Variants in KLHL40 observed in about 807,000 individuals in gnomAD.
KLHL40 encodes the protein kelch-like protein 40.
Under a neutral mutation model 49.7 loss-of-function variants are expected in KLHL40, and 44 were observed. The ratio of observed to expected loss-of-function variants is 0.89; its 90% CI spans 0.70 to 1.14. The LOEUF (loss-of-function observed/expected upper bound fraction) is 1.14, where lower values mean the gene tolerates loss of function less well. Among genes scored for constraint, KLHL40 ranks in the 50% most tolerant of loss-of-function variants. The pLI is 0.00. For missense variants in KLHL40, 892 were observed against 850.3 expected (o/e 1.05, Z -0.61); for synonymous variants, 409 against 365.2 (o/e 1.12, Z -1.37).
chr3:42,688,051 T>C lies in KLHL40; in HGVS notation c.1153-91T>C. 1 of 1,530,516 alleles carries C rather than the reference T, an allele frequency of 6.5e-7. No individual in the cohort carries two copies. Among genetic ancestry groups the C allele is most frequent in the South Asian group, 1.2e-5 (1 of 86,434 alleles). The allele number at this position is 1,530,516 out of a possible 1,614,324, so 94.8% of individuals were successfully genotyped here. ...ATTGGCCCTACCTGGGTTCCCGACC[T>C]CCTCCGTGATCTGGGGCAGTGGGAC... On this transcript the variant is annotated intron_variant, in intron 1 of 5. Transcript: ENST00000287777. The surrounding 1 kb of genome is among the most constrained non-coding windows in gnomAD (Gnocchi z 4.2).
At chr3:42,691,115 A>G (rs1413509338) in intron 5 of KLHL40, 110 bp downstream of exon 5, 2 of 1,138,876 alleles carry the variant, frequency 1.8e-6, no homozygotes, top group Non-Finnish European at 2.4e-6. Context: ...GGCAAAGCGG[A>G]TCCCTCTTCT....
chr3:42,686,233 C>T lies in KLHL40; in HGVS notation c.615C>T (p.Gly205=). The T allele has an allele frequency of 1.9e-6, 3 of 1,553,802 alleles. No homozygotes were observed. The highest frequency in any genetic ancestry group is 1.8e-4 in the Middle Eastern group (1 of 5,498). ...FEAVMRWAGS[G]DAEAQAERQR... The stretch of plus-strand genomic sequence containing the variant: ...CGGTGATGCGGTGGGCGGGTAGCGG[C>T]GACGCCGAGGCGCAGGCTGAGCGCC... The change falls in exon 1 of 6, where the codon GGC becomes GGT. Residue 205 remains glycine (G), a synonymous_variant. Transcript: ENST00000287777.
In KLHL40 at chr3:42,692,410, T is replaced by A. The variant is rs929879508; in HGVS notation, c.*417T>A. 1 of 410,352 alleles carries A rather than the reference T, an allele frequency of 2.4e-6. No homozygotes were observed. 25.4% of individuals were successfully genotyped at this position (410,352 alleles called of 1,614,324 possible). On this transcript the variant is annotated 3_prime_UTR_variant, in exon 6 of 6. Transcript: ENST00000287777. ...GTCTCCTTCTTTAGGAAGAATAAAG[T>A]GCCTTCTGAGCAAGCAGCTCAGGGT...
chr3:42,687,511 C>G (rs576662618), intron 1 of KLHL40, among the ~76,000 whole-genome samples: 188 of 152,210 alleles, frequency 1.2e-3, no homozygotes, highest in African/African-American at 4.3e-3. Context: ...GGCAGCTTCA[C>G]CAGCTACTAG....
chr3:42,690,864 C>A lies in KLHL40; in HGVS notation c.1613C>A (p.Ala538Glu). Residue 538 changes from alanine (A) to glutamate (E), a missense_variant, in exon 5 of 6, where the codon GCA becomes GAA. Coordinates refer to ENST00000287777, the MANE Select transcript of KLHL40 (RefSeq NM_152393.4). ...EVYSITDNKWAPFEAFPQERS... is the reference protein window; with the variant it reads ...EVYSITDNKWEPFEAFPQERS... ...ACCTTCTCACACACCCCCAGGTGGG[C>A]ACCCTTCGAGGCCTTCCCACAGGAG... is the stretch of plus-strand genomic sequence containing the variant. 6.2e-7 allele frequency: 1 copy of A among 1,604,184 alleles called. No individual in the cohort carries two copies. Among genetic ancestry groups the A allele is most frequent in the East Asian group, 2.2e-5 (1 of 44,760 alleles).
In KLHL40 at chr3:42,692,014, T is replaced by G. The variant is rs201950730; in HGVS notation, c.*21T>G. 1.1e-4 allele frequency: 157 copies of G among 1,416,046 alleles called. No homozygotes were observed. Among genetic ancestry groups the G allele is most frequent in the Non-Finnish European group, 1.6e-4 (155 of 999,758 alleles). The allele number at this position is 1,416,046 out of a possible 1,614,324, so 87.7% of individuals were successfully genotyped here. On this transcript the variant is annotated 3_prime_UTR_variant, in exon 6 of 6. Transcript: ENST00000287777. ...TGTGACCAGCTCAGGCAGACTGAAC[T>G]AAGCACCCCTCCCATCCTGCGACCC...
rs1347653528 is a variant in KLHL40, at chr3:42,687,564, T to C, written c.1153-578T>C. Among the ~76,000 whole-genome samples the C allele has an allele frequency of 4.6e-5, 7 of 152,218 alleles. No individual in the cohort carries two copies. The East Asian group carries it at 1.4e-3, about 29-fold the overall frequency. ...ATTGTTTATTCTCTCTGGGCCTCTG[T>C]TTGTAACTGGGGATATTCTCCTTCC... On this transcript the variant is annotated intron_variant, in intron 1 of 5. Coordinates refer to ENST00000287777, the MANE Select transcript of KLHL40 (RefSeq NM_152393.4).
chr3:42,691,691 T>G (rs537934476), intron 5 of KLHL40, among the ~76,000 whole-genome samples, 191 bp from the exon 6 acceptor site: 2 of 151,914 alleles, frequency 1.3e-5, no homozygotes. Context: ...AGACCCTTCC[T>G]GGAGTGTGGG....
chr3:42,686,306 CCG>C lies in KLHL40; in HGVS notation c.694_695del (p.Ala232LeufsTer52). 1.3e-6 allele frequency: 2 copies of C among 1,596,798 alleles called. No homozygotes were observed. The highest frequency in any genetic ancestry group is 1.3e-5 in the African/African-American group (1 of 74,574). On this transcript the variant is annotated frameshift_variant, in exon 1 of 6. Transcript: ENST00000287777. LOFTEE classifies it high-confidence loss of function. The part of the protein sequence containing the change: ...VFESVRCRLL[P>X]RAFLESRVER... ...CGAGAGCGTGCGCTGCCGCTTGCTG[CCG>C]CGCGCCTTTCTGGAAAGCCGCGTGG...
rs1317637580 is a variant in KLHL40, at chr3:42,688,292, T to A, written c.1303T>A (p.Tyr435Asn). The stretch of plus-strand genomic sequence containing the variant: ...GCGCTGCCTGGACTCGGTCATGTGC[T>A]ACGACAGGCTGTGAGCATGGCTGGG... ...GERCLDSVMCYDRLSFKWGES... is the reference protein window; with the variant it reads ...GERCLDSVMCNDRLSFKWGES... The change falls in exon 2 of 6, where the codon TAC becomes AAC. Residue 435 changes from tyrosine to asparagine, a missense_variant. Transcript: ENST00000287777. This position sits in a 1 kb window ranked among gnomAD's most constrained non-coding sequence, Gnocchi z 4.2. The A allele has an allele frequency of 6.2e-7, 1 of 1,613,870 alleles. No homozygotes were observed. Among genetic ancestry groups the A allele is most frequent in the Admixed American group, 1.7e-5 (1 of 60,002 alleles).
In KLHL40 at chr3:42,686,698, G is replaced by A. The variant is rs1575219101; in HGVS notation, c.1080G>A (p.Gln360=). 6.2e-7 allele frequency: 1 copy of A among 1,613,728 alleles called. No homozygotes were observed. The highest frequency in any genetic ancestry group is 8.5e-7 in the Non-Finnish European group (1 of 1,180,032). The stretch of plus-strand genomic sequence containing the variant: ...TCAGCCTGGTTACCAAGGAGAACCA[G>A]GTCTTCGTGGCTGGAGGCCTCTTCT... ...NHVSLVTKEN[Q]VFVAGGLFYN... The change falls in exon 1 of 6, where the codon CAG becomes CAA. Residue 360 remains glutamine, a synonymous_variant. Transcript: ENST00000287777.
rs1327245483 is a variant in KLHL40 at position 42,688,613 on chromosome 3, A to G, written c.1317A>G (p.Ser439=). ...CCCCCACTCCCGTCTCCTCCAGGTC[A>G]TTCAAATGGGGTGAATCGGACCCGC... The part of the protein sequence containing the change: ...LDSVMCYDRL[S]FKWGESDPLP... Residue 439 remains serine (S), a synonymous_variant, in exon 3 of 6, where the codon TCA becomes TCG. Transcript: ENST00000287777. The surrounding 1 kb of genome is among the most constrained non-coding windows in gnomAD (Gnocchi z 4.2). 5 of 1,613,178 alleles carry G rather than the reference A, an allele frequency of 3.1e-6. No individual in the cohort carries two copies. In the South Asian group the frequency reaches 3.3e-5, roughly 11 times the overall value.
intron 4 of KLHL40, 37 bp from the exon 5 acceptor site, chr3:42,690,822 A>G (rs1045756117): frequency 7.1e-6 from 11 of 1,552,512 alleles, no homozygotes; most frequent in Non-Finnish European, 9.6e-6. Flanking sequence ...GGGCTTGCCG[A>G]GGCATCCCAA....
chr3:42,688,380 G>C lies in KLHL40; in HGVS notation c.1313+78G>C. 1 of 1,522,680 alleles carries C rather than the reference G, an allele frequency of 6.6e-7. No individual in the cohort carries two copies. Among genetic ancestry groups the C allele is most frequent in the Non-Finnish European group, 9.1e-7 (1 of 1,104,488 alleles). The allele number at this position is 1,522,680 out of a possible 1,614,324, so 94.3% of individuals were successfully genotyped here. A position where few individuals can be genotyped will look rare whatever the true frequency, so the allele number is the denominator to read the frequency against. ...GGCCGCAGCTGGTCTAGGGCCTGGGGTGGGATTTGGAGCTAGAGCCTTGTG... is the reference window on the plus strand; with the variant it reads ...GGCCGCAGCTGGTCTAGGGCCTGGGCTGGGATTTGGAGCTAGAGCCTTGTG... On this transcript the variant is annotated intron_variant, in intron 2 of 5. Coordinates refer to ENST00000287777, the MANE Select transcript of KLHL40 (RefSeq NM_152393.4). This position sits in a 1 kb window ranked among gnomAD's most constrained non-coding sequence, Gnocchi z 4.2.
At chr3:42,687,979 G>T (rs1007922258) in intron 1 of KLHL40, among the ~76,000 whole-genome samples, 163 bp from the exon 2 acceptor site, 2 of 152,128 alleles carry the variant, frequency 1.3e-5, no homozygotes, top group African/African-American at 4.8e-5. Context: ...TCTGCTCTCA[G>T]CCTGATGGTA....
Position 42,686,562 on chromosome 3 carries a change from T to A in KLHL40, c.944T>A (p.Phe315Tyr). ...ILNDTLRFGMFLQDLIFMISE... is the reference protein window; with the variant it reads ...ILNDTLRFGMYLQDLIFMISE... ...AATGACACCCTGCGCTTCGGCATGT[T>A]CCTGCAGGATCTCATCTTCATGATC... Residue 315 changes from phenylalanine (F) to tyrosine (Y), a missense_variant, in exon 1 of 6, where the codon TTC (phenylalanine) becomes TAC (tyrosine). By Grantham distance (22) the Phe-to-Tyr change is conservative. Coordinates refer to ENST00000287777, the MANE Select transcript of KLHL40 (RefSeq NM_152393.4). 6.2e-7 allele frequency: 1 copy of A among 1,614,142 alleles called. No individual in the cohort carries two copies. Among genetic ancestry groups the A allele is most frequent in the Non-Finnish European group, 8.5e-7 (1 of 1,180,026 alleles).
intron 1 of KLHL40, among the ~76,000 whole-genome samples, chr3:42,687,030 G>A (rs985581887): frequency 2.6e-5 from 4 of 152,258 alleles, no homozygotes; most frequent in African/African-American, 9.6e-5. Context: ...TGGAGGCCCT[G>A]GCCCTGCACA....
At chr3:42,689,665 C>T (rs1253434268) in intron 4 of KLHL40, among the ~76,000 whole-genome samples, 2 of 151,952 alleles carry the variant, frequency 1.3e-5, no homozygotes, top group African/African-American at 4.8e-5. Context: ...TTAGGGATTT[C>T]CCAGGGGTCA....
rs1242411725 is a variant in KLHL40, at chr3:42,688,046, C to T, written c.1153-96C>T. On this transcript the variant is annotated intron_variant, in intron 1 of 5. Transcript: ENST00000287777. This position sits in a 1 kb window ranked among gnomAD's most constrained non-coding sequence, Gnocchi z 4.2. ...GCTGTATTGGCCCTACCTGGGTTCC[C>T]GACCTCCTCCGTGATCTGGGGCAGT... 35 of 1,499,938 alleles carry T rather than the reference C, an allele frequency of 2.3e-5. No individual in the cohort carries two copies. The highest frequency in any genetic ancestry group is 2.1e-4 in the Middle Eastern group (1 of 4,868). The allele number at this position is 1,499,938 out of a possible 1,614,324, so 92.9% of individuals were successfully genotyped here. A position where few individuals can be genotyped will look rare whatever the true frequency, so the allele number is the denominator to read the frequency against.
Sources: gnomAD v4.1 joint callset for allele counts (sites outside exome capture counted in the v4.1 genomes callset) on GRCh38, gnomAD v4.1.1 for gene constraint, Gnocchi (gnomAD v3.1) non-coding constraint, MANE v1.5 for transcripts, NCBI Gene and HGNC (gene_info 2026-07-23, HGNC 2026-07-21) for gene names.